ACBD5: variants seen among roughly 807,000 people sequenced by gnomAD.
ACBD5 encodes acyl-CoA-binding domain-containing protein 5.
ACBD5 carries 40 observed loss-of-function variants against 71.8 expected under a neutral mutation model. The observed-to-expected ratio is 0.56, with a 90% CI of 0.43 to 0.72. The LOEUF (loss-of-function observed/expected upper bound fraction) is 0.72, where lower values mean the gene tolerates loss of function less well. Ranked by LOEUF, ACBD5 falls within the 30% of genes least tolerant of loss-of-function variation. The pLI is 0.00. For missense variants in ACBD5, 559 were observed against 644.5 expected (o/e 0.87, Z 1.44); for synonymous variants, 229 against 218.6 (o/e 1.05, Z -0.42).
At chr10:27,229,671 T>G (rs2063600033) in intron 4 of ACBD5, among the ~76,000 whole-genome samples, 1 of 152,176 alleles carries the variant, frequency 6.6e-6, no homozygotes, top group African/African-American at 2.4e-5. Context: ...TAATGTACTA[T>G]CCCACAACAT....
chr10:27,203,137 C>A (rs1184139808), intron 12 of ACBD5, among the ~76,000 whole-genome samples: 1 of 151,586 alleles, frequency 6.6e-6, no homozygotes, highest in African/African-American at 2.4e-5. Context: ...ACCAACCTGG[C>A]TAATTTTTTT....
chr10:27,210,899 T>C lies in ACBD5; in HGVS notation c.1119A>G (p.Glu373=). Residue 373 remains glutamate, a synonymous_variant, in exon 9 of 13, where the codon GAA becomes GAG. Transcript: ENST00000396271. ...EGKGEVKHGG[E]DGRNNSGAPH... ...GTGCTCCGCTGTTATTCCTGCCATC[T>C]TCTCCTCCATGCTTGACTTCACCTT... 6.2e-7 allele frequency: 1 copy of C among 1,614,248 alleles called. No individual in the cohort carries two copies. The highest frequency in any genetic ancestry group is 1.6e-4 in the Middle Eastern group (1 of 6,062).
At chr10:27,232,547 C>T (rs917147720) in intron 3 of ACBD5, among the ~76,000 whole-genome samples, 1 of 151,918 alleles carries the variant, frequency 6.6e-6, no homozygotes, top group Non-Finnish European at 1.5e-5. Flanking sequence ...AGGTTGGTCT[C>T]GAACTCCTAA....
intron 4 of ACBD5, among the ~76,000 whole-genome samples, chr10:27,228,815 ATTTTTTTTTTT>A (rs1167438554): frequency 4.9e-5 from 1 of 20,362 alleles, no homozygotes; most frequent in East Asian, 9.4e-4. Context: ...ATATATATAT[ATTTTTTTTTTT>A]TTTTTTTTTT....
At chr10:27,221,919 A>T in intron 5 of ACBD5, among the ~76,000 whole-genome samples, 1 of 3,334 alleles carries the variant, frequency 3.0e-4, no homozygotes, top group Admixed American at 1.7e-3. Context: ...CTCCATCTCA[A>T]AAAAAAAAAA....
intron 9 of ACBD5, among the ~76,000 whole-genome samples, chr10:27,209,221 C>T (rs566489787): frequency 6.6e-6 from 1 of 152,208 alleles, no homozygotes; most frequent in East Asian, 1.9e-4. Flanking sequence ...GCCACCACTC[C>T]TGGCCCTGGA....
In ACBD5 at chr10:27,228,815, ATTTTTTTTTT is replaced by A. The variant is rs1167438554; in HGVS notation, c.375+2923_375+2932del. 1.5e-4 allele frequency among the ~76,000 whole-genome samples: 3 copies of A among 20,362 alleles called. No individual in the cohort carries two copies. The East Asian group carries it at 2.8e-3, about 19-fold the overall frequency. 13.4% of individuals were successfully genotyped at this position (20,362 alleles called of 152,430 possible). A position where few individuals can be genotyped will look rare whatever the true frequency, so the allele number is the denominator to read the frequency against. ...TTTATATATATATATATATATATAT[ATTTTTTTTTT>A]TTTTTTTTTTTTTGAGACAGATTAT... On this transcript the variant is annotated intron_variant, in intron 4 of 12. Coordinates refer to ENST00000396271, the MANE Select transcript of ACBD5 (RefSeq NM_145698.5).
At chr10:27,213,195 G>T (rs984643985) in intron 8 of ACBD5, among the ~76,000 whole-genome samples, 2 of 152,098 alleles carry the variant, frequency 1.3e-5, no homozygotes, top group African/African-American at 4.8e-5. Flanking sequence ...TTAAAACTGG[G>T]CAAAAGATCT....
intron 5 of ACBD5, among the ~76,000 whole-genome samples, chr10:27,220,981 C>A (rs10829212): frequency 0.52 from 79,655 of 152,092 alleles, 23,647 homozygotes; most frequent in Non-Finnish European, 0.68. Context: ...TCTAATATTT[C>A]TTACAGATAT....
intron 10 of ACBD5, among the ~76,000 whole-genome samples, chr10:27,207,891 C>A (rs974194015): frequency 1.3e-5 from 2 of 152,044 alleles, no homozygotes; most frequent in African/African-American, 4.8e-5. Flanking sequence ...TGCAACACCA[C>A]ACCTGCCTAA....
intron 12 of ACBD5, among the ~76,000 whole-genome samples, chr10:27,198,466 A>C (rs2059581361): frequency 6.6e-6 from 1 of 152,194 alleles, no homozygotes; most frequent in Admixed American, 6.5e-5. Flanking sequence ...TCTCTGTAGA[A>C]ATACCCTTAT....
chr10:27,191,502 G>C (rs7358273), downstream of ACBD5, among the ~76,000 whole-genome samples: 2 of 152,168 alleles, frequency 1.3e-5, no homozygotes, highest in African/African-American at 4.8e-5. Flanking sequence ...CGGTGGAAGA[G>C]GTTGTGCAGG....
rs944909 is a variant in ACBD5 at position 27,240,119 on chromosome 10, G to C, written c.181+200C>G. Among the ~76,000 whole-genome samples the C allele has an allele frequency of 0.78, 118,056 of 152,168 alleles. 46,051 individuals carry two copies. The highest frequency in any genetic ancestry group is 0.86 in the African/African-American group (35,741 of 41,520). On this transcript the variant is annotated intron_variant, in intron 2 of 12. Transcript: ENST00000396271. The surrounding 1 kb of genome is among the most constrained non-coding windows in gnomAD (Gnocchi z 4.1). ...AGACTTTTGTTTTCAACAATATGAA[G>C]TACTTAAAATCTGGATATTAGATTT... is the stretch of plus-strand genomic sequence containing the variant.
chr10:27,214,305 G>A (rs1344724858), intron 8 of ACBD5, among the ~76,000 whole-genome samples: 1 of 151,976 alleles, frequency 6.6e-6, no homozygotes, highest in East Asian at 1.9e-4. Context: ...ACCCTGATGT[G>A]ATTATTACAC....
chr10:27,233,622 G>A (rs990050192), intron 3 of ACBD5, among the ~76,000 whole-genome samples: 1 of 152,156 alleles, frequency 6.6e-6, no homozygotes, highest in East Asian at 1.9e-4. Context: ...GGCGGCTGAG[G>A]TGGGAGAATT....
intron 7 of ACBD5, among the ~76,000 whole-genome samples, chr10:27,216,683 T>C (rs1775354): frequency 0.18 from 26,944 of 152,220 alleles, 2,885 homozygotes; most frequent in East Asian, 0.29. Flanking sequence ...TTAAATTTAG[T>C]TGATAATTTT....
chr10:27,235,153 T>A lies in ACBD5; in HGVS notation c.241A>T (p.Thr81Ser), dbSNP rs757702725. The A allele has an allele frequency of 1.9e-6, 3 of 1,613,992 alleles. No homozygotes were observed. The highest frequency in any genetic ancestry group is 2.5e-6 in the Non-Finnish European group (3 of 1,179,910). ...LKFYSFYKQA[T>S]EGPCKLSRPG... The stretch of plus-strand genomic sequence containing the variant: ...CTTGAAAGTTTACAGGGTCCTTCAG[T>A]TGCCTGCTTATAGAAGCTATAAAAT... Residue 81 changes from threonine (T) to serine (S), a missense_variant, in exon 3 of 13, where the codon ACT becomes TCT. Thr to Ser is a moderately conservative substitution (Grantham distance 58). Coordinates refer to ENST00000396271, the MANE Select transcript of ACBD5 (RefSeq NM_145698.5).
intron 2 of ACBD5, among the ~76,000 whole-genome samples, chr10:27,239,120 C>G (rs1343371771): frequency 6.6e-6 from 1 of 152,138 alleles, no homozygotes. Flanking sequence ...TCGCTTGAAC[C>G]TGGGAGGTGG....
At chr10:27,203,701 T>C (rs2136749321) in intron 12 of ACBD5, among the ~76,000 whole-genome samples, 1 of 152,130 alleles carries the variant, frequency 6.6e-6, no homozygotes, top group East Asian at 1.9e-4. Context: ...ATCGTGCCAC[T>C]GCACCCCAGC....
Sources: allele counts gnomAD v4.1 joint callset (sites outside exome capture counted in the v4.1 genomes callset), GRCh38; gene constraint gnomAD v4.1.1; non-coding constraint Gnocchi (gnomAD v3.1); transcripts MANE v1.5; gene names NCBI Gene and HGNC (gene_info 2026-07-23, HGNC 2026-07-21).